Variants in TMEM108 observed in about 807,000 individuals in gnomAD.
TMEM108 encodes the protein cancer/testis antigen 124.
In TMEM108, 12 loss-of-function variants were observed where a neutral mutation model predicts 35.1. The ratio of observed to expected loss-of-function variants is 0.34; its 90% CI spans 0.22 to 0.55. TMEM108 has a LOEUF of 0.55. TMEM108 is among the 20% of genes least tolerant of loss of function. The pLI, the probability that TMEM108 is intolerant of heterozygous loss-of-function variation, is 0.89. For missense variants in TMEM108, 680 were observed against 753.3 expected, an observed-to-expected ratio of 0.90 and a Z score of 1.14; for synonymous variants, 287 against 308.6, an observed-to-expected ratio of 0.93 and a Z score of 0.73.
intron 2 of TMEM108, among the ~76,000 whole-genome samples, chr3:133,202,297 A>T (rs1401376495): frequency 6.6e-6 from 1 of 152,124 alleles, no homozygotes; most frequent in African/African-American, 2.4e-5. Flanking sequence ...CTTTAGTTTA[A>T]TTAGGCCCCA....
At chr3:133,304,266 A>G (rs919823989) in intron 3 of TMEM108, among the ~76,000 whole-genome samples, 1 of 152,228 alleles carries the variant, frequency 6.6e-6, no homozygotes, top group Non-Finnish European at 1.5e-5. Flanking sequence ...AGCCATGATC[A>G]TAAAGAATGG....
chr3:133,385,956 G>T (rs1200953433), intron 4 of TMEM108, among the ~76,000 whole-genome samples: 1 of 152,226 alleles, frequency 6.6e-6, no homozygotes, highest in East Asian at 1.9e-4. Context: ...ACTGAAGTAG[G>T]CAGAGGAAGC....
intron 2 of TMEM108, among the ~76,000 whole-genome samples, chr3:133,164,491 C>T (rs941083146): frequency 3.9e-5 from 6 of 152,130 alleles, no homozygotes; most frequent in Non-Finnish European, 5.9e-5. Context: ...GGAGACAGTG[C>T]GATATAGTAG....
chr3:133,280,048 A>G (rs1267004216), intron 3 of TMEM108, among the ~76,000 whole-genome samples: 1 of 152,170 alleles, frequency 6.6e-6, no homozygotes, highest in Non-Finnish European at 1.5e-5. Context: ...AGGAAGCCCC[A>G]AAAGTTAGTG....
intron 3 of TMEM108, among the ~76,000 whole-genome samples, chr3:133,356,263 C>CT (rs76167059): frequency 0.32 from 48,509 of 151,678 alleles, 8,450 homozygotes; most frequent in East Asian, 0.48. Flanking sequence ...TATACTTAAC[C>CT]AAGGAGGTGA....
intron 2 of TMEM108, among the ~76,000 whole-genome samples, chr3:133,182,150 G>T (rs965011371): frequency 2.6e-5 from 4 of 152,146 alleles, no homozygotes; most frequent in Non-Finnish European, 5.9e-5. Context: ...ATTTCTACAT[G>T]CTGGCTTTTT....
chr3:133,038,599 A>G (rs770431294), intron 1 of TMEM108, among the ~76,000 whole-genome samples, 164 bp downstream of exon 1: 28 of 151,796 alleles, frequency 1.8e-4, no homozygotes, highest in Non-Finnish European at 3.7e-4. Flanking sequence ...CCCTTTTCCT[A>G]TCCTCTCAGG....
intron 3 of TMEM108, among the ~76,000 whole-genome samples, chr3:133,378,135 G>C (rs762303665): frequency 6.6e-6 from 1 of 152,194 alleles, no homozygotes; most frequent in African/African-American, 2.4e-5. Context: ...AGATTGTTTA[G>C]GGCAAATTTT....
chr3:133,334,787 A>C lies in TMEM108; in HGVS notation c.41-44965A>C, dbSNP rs116180237. Reference sequence around the variant, plus strand: ...TCAAGCAATTTTATTTTTAAATGACATTTTAGGCATAACTGATACATGGTG... The same window carrying C: ...TCAAGCAATTTTATTTTTAAATGACCTTTTAGGCATAACTGATACATGGTG... On this transcript the variant is annotated intron_variant, in intron 3 of 5. Transcript: ENST00000321871. 9.4e-3 allele frequency among the ~76,000 whole-genome samples: 1,438 copies of C among 152,356 alleles called. 11 individuals carry two copies. The highest frequency in any genetic ancestry group is 0.015 in the Non-Finnish European group (1,026 of 68,030).
chr3:133,180,722 T>G (rs1945324002), intron 2 of TMEM108, among the ~76,000 whole-genome samples: 1 of 152,120 alleles, frequency 6.6e-6, no homozygotes, highest in Non-Finnish European at 1.5e-5. Context: ...AACATAAATA[T>G]TTGCAGCTTG....
chr3:133,232,244 C>T (rs758451275), intron 3 of TMEM108, among the ~76,000 whole-genome samples: 1 of 152,136 alleles, frequency 6.6e-6, no homozygotes, highest in Non-Finnish European at 1.5e-5. Flanking sequence ...GTGGATCTCT[C>T]ATTAATAGAT....
chr3:133,207,448 T>C (rs1236709780), intron 2 of TMEM108, among the ~76,000 whole-genome samples: 1 of 152,118 alleles, frequency 6.6e-6, no homozygotes, highest in Admixed American at 6.6e-5. Context: ...AGCCCTCCCC[T>C]GGACCTCTGA....
Position 133,052,266 on chromosome 3 carries a change from T to C in TMEM108, c.-47+6246T>C, listed in dbSNP as rs539661758. Among the ~76,000 whole-genome samples, 31 of 152,232 alleles carry C rather than the reference T, an allele frequency of 2.0e-4. No homozygotes were observed. The South Asian group carries it at 5.2e-3, about 25-fold the overall frequency. On this transcript the variant is annotated intron_variant, in intron 2 of 5. Coordinates refer to ENST00000321871, the MANE Select transcript of TMEM108 (RefSeq NM_023943.4). ...CTAATATAAATGGTATTGTGTTTTT[T>C]ATTTCAAATTTCATTTGTTTATTGC...
At chr3:133,234,481 C>G (rs1576400792) in intron 3 of TMEM108, among the ~76,000 whole-genome samples, 1 of 152,240 alleles carries the variant, frequency 6.6e-6, no homozygotes, top group South Asian at 2.1e-4. Flanking sequence ...AGCATATAAA[C>G]AGAACCAAAG....
At chr3:133,094,240 C>CAACCCCCA (rs1553732641) in intron 2 of TMEM108, among the ~76,000 whole-genome samples, 1 of 110,850 alleles carries the variant, frequency 9.0e-6, no homozygotes, top group Admixed American at 9.4e-5. Flanking sequence ...CCCACCCCCC[C>CAACCCCCA]CACACACACG....
In TMEM108 at chr3:133,177,706, A is replaced by G. The variant is rs566757373; in HGVS notation, c.-46-51560A>G. ...CTATGACAAACCCACAGCCAATATC[A>G]TACTGAATGGGCAAAAACTGGAAGC... On this transcript the variant is annotated intron_variant, in intron 2 of 5. Coordinates refer to ENST00000321871, the MANE Select transcript of TMEM108 (RefSeq NM_023943.4). Among the ~76,000 whole-genome samples the G allele has an allele frequency of 9.1e-4, 138 of 152,338 alleles. 1 individual carries two copies. The highest frequency in any genetic ancestry group is 3.2e-3 in the African/African-American group (132 of 41,572).
intron 2 of TMEM108, among the ~76,000 whole-genome samples, chr3:133,099,630 C>A (rs1304366359): frequency 2.0e-5 from 3 of 152,166 alleles, no homozygotes; most frequent in African/African-American, 7.2e-5. Context: ...GAAGTTTCTT[C>A]CCCCAGATAC....
intron 3 of TMEM108, among the ~76,000 whole-genome samples, chr3:133,245,313 C>T (rs574782763): frequency 1.1e-3 from 160 of 152,298 alleles, no homozygotes; most frequent in African/African-American, 3.7e-3. Context: ...CATCCCTCTG[C>T]ACAGCAGTAC....
chr3:133,181,007 T>G (rs901541919), intron 2 of TMEM108, among the ~76,000 whole-genome samples: 2 of 19,882 alleles, frequency 1.0e-4, no homozygotes, highest in African/African-American at 3.7e-4. Flanking sequence ...GGCAGTTGTG[T>G]TAAAAAAAAA....
Sources: gnomAD v4.1 joint callset for allele counts (sites outside exome capture counted in the v4.1 genomes callset) on GRCh38, gnomAD v4.1.1 for gene constraint, MANE v1.5 for transcripts, NCBI Gene and HGNC (gene_info 2026-07-23, HGNC 2026-07-21) for gene names.